The following DCAF6 variants were observed in gnomAD, a reference collection of about 807,000 sequenced individuals.
DCAF6 encodes DDB1 and CUL4 associated factor 6, also known as DDB1- and CUL4-associated factor 6.
In DCAF6, 54 loss-of-function variants were observed where a neutral mutation model predicts 125.1. The ratio of observed to expected loss-of-function variants is 0.43; its 90% confidence interval spans 0.35 to 0.54. The LOEUF (loss-of-function observed/expected upper bound fraction) is 0.54, where lower values mean the gene tolerates loss of function less well. DCAF6 is among the 20% of genes least tolerant of loss of function. The pLI is 0.01. For missense variants in DCAF6, 934 were observed against 1,161.7 expected (o/e 0.80, Z 2.85); for synonymous variants, 371 against 390.4 (o/e 0.95, Z 0.58).
At chr1:168,056,129 ATCTTG>A in intron 17 of DCAF6, 1 of 1,595,418 alleles carries the variant, frequency 6.3e-7, no homozygotes, top group African/African-American at 1.4e-5. Flanking sequence ...CACCAAACTC[ATCTTG>A]TTTGTTCAAT....
the DCAF6 span, among the ~76,000 whole-genome samples, chr1:167,896,977 T>A: frequency 3.3e-5 from 5 of 152,124 alleles, no homozygotes; most frequent in Non-Finnish European, 5.9e-5. Flanking sequence ...TTTTCCTGCT[T>A]TTTTTCCTTC....
the DCAF6 span, among the ~76,000 whole-genome samples, chr1:167,921,901 C>T: frequency 1.3e-5 from 2 of 151,976 alleles, no homozygotes; most frequent in Non-Finnish European, 2.9e-5. Context: ...ATTTAAGGTA[C>T]ATAGGTTTTT....
chr1:167,928,284 C>G, the DCAF6 span, among the ~76,000 whole-genome samples: 11 of 148,086 alleles, frequency 7.4e-5, no homozygotes, highest in African/African-American at 2.8e-4. Flanking sequence ...GGAGGTGGAG[C>G]TTGCAGTGAG....
chr1:167,901,664 A>G, the DCAF6 span: 6 of 1,614,042 alleles, frequency 3.7e-6, no homozygotes, highest in Non-Finnish European at 4.2e-6. Context: ...ATGCTTACCT[A>G]TCTTGACTCG....
chr1:167,885,190 T>C, the DCAF6 span, among the ~76,000 whole-genome samples: 2 of 152,252 alleles, frequency 1.3e-5, no homozygotes, highest in Non-Finnish European at 2.9e-5. Flanking sequence ...ATTTCTCTGT[T>C]GATGGACACT....
chr1:167,902,517 T>C, the DCAF6 span, among the ~76,000 whole-genome samples: 3 of 152,382 alleles, frequency 2.0e-5, no homozygotes, highest in Admixed American at 6.5e-5. Flanking sequence ...TTACCAACTT[T>C]GTATTTTGTT....
intron 12 of DCAF6, among the ~76,000 whole-genome samples, chr1:168,037,675 G>T (rs1688012272): frequency 2.0e-5 from 3 of 152,080 alleles, no homozygotes; most frequent in Admixed American, 6.5e-5. Context: ...AGATAGATGT[G>T]TATTATAGAC....
the DCAF6 span, among the ~76,000 whole-genome samples, chr1:167,927,595 C>T: frequency 6.6e-6 from 1 of 152,200 alleles, no homozygotes; most frequent in African/African-American, 2.4e-5. Flanking sequence ...GTTTCTGTCA[C>T]CCCAAAATTG....
intron 16 of DCAF6, among the ~76,000 whole-genome samples, chr1:168,050,249 C>T (rs969971384): frequency 4.6e-5 from 7 of 151,970 alleles, no homozygotes; most frequent in Admixed American, 1.3e-4. Context: ...TTCCATATAC[C>T]TACTCTGGAC....
At chr1:168,052,136 G>A (rs1045279603) in intron 17 of DCAF6, among the ~76,000 whole-genome samples, 1 of 152,068 alleles carries the variant, frequency 6.6e-6, no homozygotes, top group Non-Finnish European at 1.5e-5. Context: ...TGCCCATGTT[G>A]GCCTCCCAGA....
intron 7 of DCAF6, among the ~76,000 whole-genome samples, chr1:167,998,326 G>A (rs1452690260): frequency 6.6e-6 from 1 of 152,158 alleles, no homozygotes; most frequent in Non-Finnish European, 1.5e-5. Flanking sequence ...TCAGTAAGTT[G>A]TATTCTTTTT....
chr1:168,049,686 C>T (rs1209496494), intron 16 of DCAF6, among the ~76,000 whole-genome samples: 10 of 111,330 alleles, frequency 9.0e-5, no homozygotes, highest in African/African-American at 3.3e-4. Context: ...GACGGAGTCT[C>T]GCTCCCTCAC....
the DCAF6 span, among the ~76,000 whole-genome samples, chr1:167,869,427 T>G: frequency 9.2e-5 from 14 of 152,152 alleles, no homozygotes; most frequent in East Asian, 2.7e-3. Context: ...ACGGGGGAAA[T>G]GAGGGAAGAG....
intron 7 of DCAF6, among the ~76,000 whole-genome samples, chr1:167,995,850 T>TACTA (rs1681591810): frequency 6.6e-6 from 1 of 152,200 alleles, no homozygotes; most frequent in Non-Finnish European, 1.5e-5. Flanking sequence ...ATTGGGTGCC[T>TACTA]ACTATACACC....
intron 17 of DCAF6, among the ~76,000 whole-genome samples, chr1:168,052,130 C>G (rs1262555733): frequency 6.6e-6 from 1 of 152,162 alleles, no homozygotes; most frequent in Non-Finnish European, 1.5e-5. Context: ...GTGATCTGCC[C>G]ATGTTGGCCT....
chr1:167,866,405 G>A, the DCAF6 span, among the ~76,000 whole-genome samples: 1 of 151,784 alleles, frequency 6.6e-6, no homozygotes, highest in Non-Finnish European at 1.5e-5. Context: ...TAATAAAAAT[G>A]TAAATTAGAT....
chr1:167,911,906 G>T, the DCAF6 span, among the ~76,000 whole-genome samples: 155 of 152,298 alleles, frequency 1.0e-3, no homozygotes, highest in Non-Finnish European at 1.6e-3. Context: ...GAAAGTACAT[G>T]CATTTTGAGA....
intron 21 of DCAF6, among the ~76,000 whole-genome samples, chr1:168,070,296 G>C (rs1196674281): frequency 1.3e-5 from 2 of 151,638 alleles, no homozygotes; most frequent in Non-Finnish European, 2.9e-5. Flanking sequence ...TTATCTTTAA[G>C]ATATCTAGTT....
chr1:167,897,129 T>TGACA, the DCAF6 span, among the ~76,000 whole-genome samples: 2 of 151,198 alleles, frequency 1.3e-5, no homozygotes, highest in South Asian at 2.1e-4. Context: ...ACACATGTGA[T>TGACA]GACACACTGA....
Sources: allele counts gnomAD v4.1 joint callset (sites outside exome capture counted in the v4.1 genomes callset), GRCh38; gene constraint gnomAD v4.1.1; transcripts MANE v1.5; gene names NCBI Gene and HGNC (gene_info 2026-07-23, HGNC 2026-07-21).